SLC25A26: variants seen among roughly 807,000 people sequenced by gnomAD.
The protein encoded by SLC25A26 is mitochondrial S-adenosylmethionine carrier protein.
SLC25A26 carries 36 observed loss-of-function variants against 37.8 expected under a neutral mutation model. The ratio of observed to expected loss-of-function variants is 0.95; its 90% CI spans 0.73 to 1.26. The LOEUF is 1.26. Ranked by LOEUF, SLC25A26 falls within the 50% of genes most tolerant of loss-of-function variation. SLC25A26 has a pLI of 0.00. For missense variants in SLC25A26, 390 were observed against 331.1 expected (o/e 1.18, Z -1.38); for synonymous variants, 129 against 122.5 (o/e 1.05, Z -0.35).
At position 66,221,044 on chromosome 3, in the gene SLC25A26, A is replaced by G; in HGVS notation, c.-51A>G. ...GCGGCGCCCAGCGCGCGAGGACGTG[A>G]TCCGCTTCTGCTCCGGCTTGGATTG... is the stretch of plus-strand genomic sequence containing the variant. On this transcript the variant is annotated 5_prime_UTR_variant, in exon 1 of 10. Transcript: ENST00000354883. 4 of 1,533,764 alleles carry G rather than the reference A, an allele frequency of 2.6e-6. No homozygotes were observed. In the South Asian group the frequency reaches 3.6e-5, roughly 14 times the overall value.
chr3:66,224,324 G>T (rs1053473553), intron 1 of SLC25A26, among the ~76,000 whole-genome samples: 1 of 152,168 alleles, frequency 6.6e-6, no homozygotes, highest in African/African-American at 2.4e-5. Flanking sequence ...GTTCCATTTG[G>T]CTGGGGAGGC....
intron 1 of SLC25A26, among the ~76,000 whole-genome samples, chr3:66,233,359 C>A (rs2072122545): frequency 6.6e-6 from 1 of 152,166 alleles, no homozygotes; most frequent in African/African-American, 2.4e-5. Flanking sequence ...GATGCTGTAG[C>A]AAGGTTTGCT....
At chr3:66,306,791 A>T (rs541607698) in intron 5 of SLC25A26, among the ~76,000 whole-genome samples, 33 of 152,288 alleles carry the variant, frequency 2.2e-4, no homozygotes, top group African/African-American at 7.5e-4. Context: ...TTTGCTGGGA[A>T]TGATGGTTTT....
upstream of SLC25A26, among the ~76,000 whole-genome samples, chr3:66,220,455 C>T (rs782667885): frequency 1.1e-4 from 17 of 152,178 alleles, no homozygotes; most frequent in Middle Eastern, 6.8e-3. Flanking sequence ...AGGTAAATAA[C>T]TGAACAAACA....
At chr3:66,244,670 G>T (rs1344007274) in intron 3 of SLC25A26, among the ~76,000 whole-genome samples, 1 of 152,236 alleles carries the variant, frequency 6.6e-6, no homozygotes, top group East Asian at 1.9e-4. Flanking sequence ...TTCCTACCAT[G>T]TGTTTAAAAA....
At chr3:66,180,658 T>C (rs1173771109) in intron 1 of SLC25A26, among the ~76,000 whole-genome samples, 1 of 151,958 alleles carries the variant, frequency 6.6e-6, no homozygotes, top group African/African-American at 2.4e-5. Context: ...AAAATTTTGC[T>C]GCAGTGCCTG....
At chr3:66,353,141 C>T (rs979003478) in intron 6 of SLC25A26, among the ~76,000 whole-genome samples, 7 of 152,154 alleles carry the variant, frequency 4.6e-5, no homozygotes, top group African/African-American at 7.2e-5. Context: ...AAGCAGGGCT[C>T]AATAAGGTTG....
At chr3:66,276,922 A>G (rs2107408948) in intron 5 of SLC25A26, among the ~76,000 whole-genome samples, 1 of 151,426 alleles carries the variant, frequency 6.6e-6, no homozygotes, top group Non-Finnish European at 1.5e-5. Flanking sequence ...CAAAAACCTC[A>G]GCATGAACTT....
At chr3:66,346,623 A>G (rs1242302110) in intron 6 of SLC25A26, among the ~76,000 whole-genome samples, 1 of 152,118 alleles carries the variant, frequency 6.6e-6, no homozygotes, top group Non-Finnish European at 1.5e-5. Flanking sequence ...AGCAGGTGGC[A>G]CTGAAATCCA....
At chr3:66,254,563 G>A (rs1050710709) in intron 3 of SLC25A26, among the ~76,000 whole-genome samples, 11 of 152,216 alleles carry the variant, frequency 7.2e-5, no homozygotes, top group African/African-American at 2.7e-4. Flanking sequence ...AGAGTTGCCT[G>A]TTGAAACATG....
intron 1 of SLC25A26, among the ~76,000 whole-genome samples, chr3:66,225,629 C>A (rs2071709557): frequency 6.6e-6 from 1 of 152,204 alleles, no homozygotes; most frequent in African/African-American, 2.4e-5. Flanking sequence ...ATTTCTGCAG[C>A]CAGCTTGAAT....
At chr3:66,145,632 T>C (rs2070104123) in intron 1 of SLC25A26, among the ~76,000 whole-genome samples, 1 of 152,324 alleles carries the variant, frequency 6.6e-6, no homozygotes, top group Admixed American at 6.5e-5. Flanking sequence ...TTTAAAGTTA[T>C]AAAAAGTGAA....
chr3:66,280,589 A>C (rs1655060193), intron 5 of SLC25A26, among the ~76,000 whole-genome samples: 1 of 152,212 alleles, frequency 6.6e-6, no homozygotes. Context: ...ACGCTCGTCT[A>C]GTAACAGCAT....
intron 1 of SLC25A26, among the ~76,000 whole-genome samples, chr3:66,187,399 C>T (rs1020590357): frequency 5.3e-5 from 8 of 152,090 alleles, no homozygotes; most frequent in African/African-American, 1.4e-4. Flanking sequence ...CTGACTTGCA[C>T]CTAACTCTCA....
chr3:66,243,905 C>G (rs1172825867), intron 3 of SLC25A26, among the ~76,000 whole-genome samples: 1 of 152,176 alleles, frequency 6.6e-6, no homozygotes, highest in Non-Finnish European at 1.5e-5. Flanking sequence ...GATTTGTGGG[C>G]TCTGTCATGA....
chr3:66,365,189 A>G (rs1191735836), intron 7 of SLC25A26, among the ~76,000 whole-genome samples: 1 of 152,232 alleles, frequency 6.6e-6, no homozygotes, highest in Admixed American at 6.5e-5. Context: ...TTACATGGCC[A>G]TAAAAGCAGT....
At chr3:66,176,853 G>A (rs1408745957) in intron 1 of SLC25A26, among the ~76,000 whole-genome samples, 1 of 152,196 alleles carries the variant, frequency 6.6e-6, no homozygotes, top group African/African-American at 2.4e-5. Flanking sequence ...GAGATGAAAA[G>A]GGAAGGCCCT....
At chr3:66,340,474 A>C (rs2076184438) in intron 5 of SLC25A26, among the ~76,000 whole-genome samples, 1 of 152,046 alleles carries the variant, frequency 6.6e-6, no homozygotes, top group Non-Finnish European at 1.5e-5. Context: ...TTGTGGTCCC[A>C]GAAATTTCCT....
upstream of SLC25A26, among the ~76,000 whole-genome samples, chr3:66,216,547 CA>C (rs1350866482): frequency 2.0e-5 from 3 of 151,478 alleles, no homozygotes; most frequent in Non-Finnish European, 2.9e-5. Context: ...ACAACAACAA[CA>C]AACAAAACAG....
Sources: gnomAD v4.1 joint callset for allele counts (sites outside exome capture counted in the v4.1 genomes callset) on GRCh38, gnomAD v4.1.1 for gene constraint, MANE v1.5 for transcripts, NCBI Gene and HGNC (gene_info 2026-07-23, HGNC 2026-07-21) for gene names.